SLIT3: variants seen among roughly 807,000 people sequenced by gnomAD.
The protein encoded by SLIT3 is slit homolog 3 protein.
Under a neutral mutation model 184.0 loss-of-function variants are expected in SLIT3, and 68 were observed. The observed-to-expected ratio is 0.37, with a 90% CI of 0.30 to 0.45. The LOEUF is 0.45. SLIT3 is among the 20% of genes least tolerant of loss of function. The pLI, the probability that SLIT3 is intolerant of heterozygous loss-of-function variation, is 1.00. For synonymous variants in SLIT3, 831 were observed against 828.6 expected, an observed-to-expected ratio of 1.00 and a Z score of -0.05; for missense variants, 1,707 against 2,026.0, an observed-to-expected ratio of 0.84 and a Z score of 3.02.
At chr5:169,227,054 G>A (rs1764838713) in intron 3 of SLIT3, among the ~76,000 whole-genome samples, 1 of 152,148 alleles carries the variant, frequency 6.6e-6, no homozygotes, top group Non-Finnish European at 1.5e-5. Flanking sequence ...GGAAAAGGGC[G>A]GGTTCCAGGC....
intron 4 of SLIT3, among the ~76,000 whole-genome samples, chr5:169,001,334 T>C (rs1581285959): frequency 1.3e-5 from 2 of 152,330 alleles, no homozygotes; most frequent in East Asian, 3.9e-4. Flanking sequence ...CATCAACTTT[T>C]CCTACTAAGT....
At chr5:168,756,703 G>A (rs906027392) in intron 16 of SLIT3, among the ~76,000 whole-genome samples, 1 of 152,134 alleles carries the variant, frequency 6.6e-6, no homozygotes, top group Non-Finnish European at 1.5e-5. Flanking sequence ...TGAGATGCAG[G>A]AGGAGAGATA....
intron 4 of SLIT3, among the ~76,000 whole-genome samples, chr5:169,059,071 C>G (rs947349917): frequency 2.6e-5 from 4 of 152,170 alleles, no homozygotes; most frequent in African/African-American, 9.7e-5. Context: ...GCATGAGCTC[C>G]AAGAACACTT....
chr5:169,021,010 G>T (rs1026612949), intron 4 of SLIT3, among the ~76,000 whole-genome samples: 2 of 152,198 alleles, frequency 1.3e-5, no homozygotes, highest in Non-Finnish European at 2.9e-5. Flanking sequence ...GGAGGAAAGT[G>T]TTCTGAATAG....
intron 4 of SLIT3, among the ~76,000 whole-genome samples, chr5:169,089,239 C>G (rs1016636442): frequency 6.6e-6 from 1 of 152,086 alleles, no homozygotes; most frequent in Admixed American, 6.6e-5. Context: ...TCATCCACCA[C>G]TGTGTGTAAG....
chr5:169,198,730 G>A (rs912871922), intron 3 of SLIT3, among the ~76,000 whole-genome samples: 4 of 151,992 alleles, frequency 2.6e-5, no homozygotes, highest in African/African-American at 9.7e-5. Flanking sequence ...TCAGGAGCTC[G>A]AGACCAGCCT....
At chr5:168,885,430 C>T (rs1003496475) in intron 4 of SLIT3, among the ~76,000 whole-genome samples, 2 of 152,200 alleles carry the variant, frequency 1.3e-5, no homozygotes, top group African/African-American at 2.4e-5. Context: ...AGAGGTCAGG[C>T]GGTGTCACCA....
chr5:169,095,022 A>G (rs1759727947), intron 4 of SLIT3, among the ~76,000 whole-genome samples: 1 of 152,210 alleles, frequency 6.6e-6, no homozygotes, highest in South Asian at 2.1e-4. Context: ...AGGGACCAGG[A>G]GGAGGACACG....
At chr5:169,276,671 T>C (rs116933015) in intron 1 of SLIT3, among the ~76,000 whole-genome samples, 2,258 of 152,328 alleles carry the variant, frequency 0.015, 34 homozygotes, top group East Asian at 0.073. Flanking sequence ...ACAGTTGCCA[T>C]GGTAGTAAAA....
intron 14 of SLIT3, among the ~76,000 whole-genome samples, chr5:168,764,985 C>T (rs1228842121): frequency 2.6e-5 from 4 of 152,202 alleles, no homozygotes; most frequent in African/African-American, 9.7e-5. Flanking sequence ...TTCTCCGCAC[C>T]AGTGGATCCA....
Position 168,976,632 on chromosome 5 carries a change from A to G in SLIT3, c.414-93296T>C, listed in dbSNP as rs145061164. On this transcript the variant is annotated intron_variant, in intron 4 of 35. Transcript: ENST00000519560. ...TTAAATGAATCATCTGTCTATCTCTATTGCCTTGTTCCTCCTGTGCTGTGT... is the reference window on the plus strand; with the variant it reads ...TTAAATGAATCATCTGTCTATCTCTGTTGCCTTGTTCCTCCTGTGCTGTGT... Among the ~76,000 whole-genome samples the G allele has an allele frequency of 4.5e-3, 679 of 152,244 alleles. 2 individuals are homozygous for G. Among genetic ancestry groups the G allele is most frequent in the South Asian group, 8.5e-3 (41 of 4,818 alleles).
intron 7 of SLIT3, among the ~76,000 whole-genome samples, chr5:168,818,833 C>T (rs2113660146): frequency 6.6e-6 from 1 of 152,354 alleles, no homozygotes; most frequent in South Asian, 2.1e-4. Flanking sequence ...ACTGTGTGGG[C>T]AAAAGCCTCC....
At chr5:169,001,930 T>G (rs1410399213) in intron 4 of SLIT3, among the ~76,000 whole-genome samples, 5 of 151,168 alleles carry the variant, frequency 3.3e-5, no homozygotes, top group African/African-American at 1.2e-4. Flanking sequence ...GAGACATTGG[T>G]GGGAACTGCA....
At chr5:168,776,455 C>T (rs1755751280) in intron 12 of SLIT3, among the ~76,000 whole-genome samples, 1 of 152,174 alleles carries the variant, frequency 6.6e-6, no homozygotes, top group Non-Finnish European at 1.5e-5. Flanking sequence ...CTCACAGGAA[C>T]CTGGGCAGAT....
rs866120640 is a variant in SLIT3 at position 168,806,497 on chromosome 5, C to T, written c.884G>A (p.Gly295Glu). Residue 295 changes from glycine (G) to glutamate (E), a missense_variant, in exon 9 of 36, where the codon GGA becomes GAA. By Grantham distance (98) the Gly-to-Glu change is moderately conservative (BLOSUM62 -2). This residue lies in a region of SLIT3 where 1,307 missense variants were observed against 1,511.6 expected (regional missense o/e 0.86). Coordinates refer to ENST00000519560, the MANE Select transcript of SLIT3 (RefSeq NM_003062.4). ...GGCAGGAATCTCCATCAAGCCCTTTCCTCGACAGTCCACGATGTTATTGCT... is the reference window on the plus strand; with the variant it reads ...GGCAGGAATCTCCATCAAGCCCTTTTCTCGACAGTCCACGATGTTATTGCT... ...TCSNNIVDCR[G>E]KGLMEIPANL... 6.2e-7 allele frequency: 1 copy of T among 1,614,070 alleles called. No homozygotes were observed. Among genetic ancestry groups the T allele is most frequent in the Non-Finnish European group, 8.5e-7 (1 of 1,180,040 alleles).
Position 168,942,921 on chromosome 5 carries a change from T to C in SLIT3, c.414-59585A>G, listed in dbSNP as rs983016655. On this transcript the variant is annotated intron_variant, in intron 4 of 35. Transcript: ENST00000519560. ...AAAGTGTGTGATGATCCATTAACAA[T>C]GCCTGCAGTGGGCTAGGGGGAGGAA... Among the ~76,000 whole-genome samples the C allele has an allele frequency of 2.6e-5, 4 of 152,318 alleles. No homozygotes were observed. In the East Asian group the frequency reaches 7.7e-4, roughly 29 times the overall value.
intron 4 of SLIT3, among the ~76,000 whole-genome samples, chr5:169,141,563 C>A (rs1294128173): frequency 3.4e-4 from 50 of 148,586 alleles, no homozygotes; most frequent in Non-Finnish European, 6.5e-4. Context: ...CACGGTGAAA[C>A]CCTGTGTCTA....
intron 18 of SLIT3, among the ~76,000 whole-genome samples, chr5:168,751,807 G>A (rs965328734): frequency 2.0e-5 from 3 of 150,646 alleles, no homozygotes; most frequent in Non-Finnish European, 4.4e-5. Context: ...GCACAATCTC[G>A]AGTCACTGCA....
intron 4 of SLIT3, among the ~76,000 whole-genome samples, chr5:169,011,503 G>T (rs1445079646): frequency 6.6e-6 from 1 of 152,152 alleles, no homozygotes; most frequent in Non-Finnish European, 1.5e-5. Flanking sequence ...ATTTATGGAG[G>T]TGATTTATGG....
Sources: gnomAD v4.1 joint callset for allele counts (sites outside exome capture counted in the v4.1 genomes callset) on GRCh38, gnomAD v4.1.1 for gene constraint, gnomAD v4.1.1 regional missense constraint, MANE v1.5 for transcripts, NCBI Gene and HGNC (gene_info 2026-07-23, HGNC 2026-07-21) for gene names.